Variants in CELF2 observed in about 807,000 individuals in gnomAD.
The protein encoded by CELF2 is CUGBP Elav-like family member 2, also known as CUG triplet repeat RNA-binding protein 2.
A neutral mutation model predicts 62.6 loss-of-function variants in CELF2; 8 were observed. The ratio of observed to expected loss-of-function variants is 0.13; its 90% CI spans 0.07 to 0.23. CELF2 has a LOEUF of 0.23. Ranked by LOEUF, CELF2 falls within the 10% of genes least tolerant of loss-of-function variation. The pLI is 1.00. For synonymous variants in CELF2, 258 were observed against 250.0 expected (o/e 1.03, Z -0.30); for missense variants, 333 against 671.0 (o/e 0.50, Z 5.56).
intron 1 of CELF2, among the ~76,000 whole-genome samples, chr10:10,906,282 A>C (rs2063333762): frequency 6.6e-6 from 1 of 152,132 alleles, no homozygotes. Context: ...CAGGTGATAA[A>C]ATTTTTAATT....
At chr10:11,228,360 T>C (rs777237864) in intron 3 of CELF2, among the ~76,000 whole-genome samples, 1 of 152,234 alleles carries the variant, frequency 6.6e-6, no homozygotes, top group Non-Finnish European at 1.5e-5. Context: ...GTAATTTGTC[T>C]TCCTTACCTG....
intron 1 of CELF2, among the ~76,000 whole-genome samples, chr10:11,049,122 T>TA (rs11406502): frequency 0.51 from 72,963 of 142,944 alleles, 18,599 homozygotes; most frequent in East Asian, 0.73. Flanking sequence ...ACTGTTCTGT[T>TA]AAAAAAAAAA....
At chr10:11,180,785 C>T (rs151188184) in intron 2 of CELF2, among the ~76,000 whole-genome samples, 3 of 152,220 alleles carry the variant, frequency 2.0e-5, no homozygotes, top group East Asian at 1.9e-4. Context: ...ACTTATGGTG[C>T]CCATTTTACA....
At chr10:11,044,282 C>G (rs1346177369) in intron 1 of CELF2, among the ~76,000 whole-genome samples, 2 of 152,212 alleles carry the variant, frequency 1.3e-5, no homozygotes, top group African/African-American at 4.8e-5. Context: ...ACAGCAGGGG[C>G]TTGGTCTCTT....
rs775844431 is a variant in CELF2, at chr10:10,922,629, G to C, written c.89+2630G>C. The C allele has an allele frequency of 3.9e-5, 6 of 152,318 alleles. 1 individual carries two copies. In the Middle Eastern group the frequency reaches 0.01, roughly 259 times the overall value. The allele number at this position is 152,318 out of a possible 1,614,324, so 9.4% of individuals were successfully genotyped here. Reference sequence around the variant, plus strand: ...TTTGTAGCTGGTTTATTACTCAAGGGAGAGGCTGCTCTCTTCTTAGGTTTG... The same window carrying C: ...TTTGTAGCTGGTTTATTACTCAAGGCAGAGGCTGCTCTCTTCTTAGGTTTG... On this transcript the variant is annotated intron_variant, in intron 2 of 13. Transcript: ENST00000636488.
chr10:10,512,693 G>C, the CELF2 span, among the ~76,000 whole-genome samples: 1 of 152,140 alleles, frequency 6.6e-6, no homozygotes, highest in Admixed American at 6.5e-5. Context: ...GGGATTATAG[G>C]CGTAAGCCAC....
the CELF2 span, among the ~76,000 whole-genome samples, chr10:10,657,215 A>G: frequency 1.3e-5 from 2 of 152,200 alleles, no homozygotes; most frequent in African/African-American, 4.8e-5. Context: ...CATATGACAC[A>G]GAAAAAAAAG....
At chr10:10,773,042 G>A in the CELF2 span, among the ~76,000 whole-genome samples, 2 of 152,162 alleles carry the variant, frequency 1.3e-5, no homozygotes, top group Non-Finnish European at 2.9e-5. Context: ...GACAGCAGAA[G>A]GTAATTTAAA....
chr10:10,876,093 A>G (rs572044938), intron 1 of CELF2, among the ~76,000 whole-genome samples: 12 of 152,322 alleles, frequency 7.9e-5, no homozygotes, highest in African/African-American at 2.4e-4. Flanking sequence ...TGTGCTTCAC[A>G]GGTGTCAGCT....
At chr10:10,744,327 A>C in the CELF2 span, among the ~76,000 whole-genome samples, 1 of 152,260 alleles carries the variant, frequency 6.6e-6, no homozygotes, top group Non-Finnish European at 1.5e-5. Flanking sequence ...GTAATTATTC[A>C]CATTTGCAAG....
chr10:10,580,214 G>C, the CELF2 span, among the ~76,000 whole-genome samples: 3 of 152,086 alleles, frequency 2.0e-5, no homozygotes, highest in Non-Finnish European at 4.4e-5. Context: ...GATTAATTAA[G>C]GTGGGGGCAA....
chr10:10,715,803 A>G, the CELF2 span, among the ~76,000 whole-genome samples: 1 of 152,212 alleles, frequency 6.6e-6, no homozygotes, highest in African/African-American at 2.4e-5. Flanking sequence ...ATAAATAGCT[A>G]TGCACAAAGC....
chr10:11,173,424 T>A (rs1179301414), intron 2 of CELF2, among the ~76,000 whole-genome samples: 2 of 152,242 alleles, frequency 1.3e-5, no homozygotes, highest in Admixed American at 6.5e-5. Context: ...CACACTCTGC[T>A]TCTAATGAAA....
At chr10:11,105,112 G>T (rs374415186) in intron 1 of CELF2, among the ~76,000 whole-genome samples, 2 of 152,206 alleles carry the variant, frequency 1.3e-5, no homozygotes, top group African/African-American at 4.8e-5. Flanking sequence ...TGGGTTATCC[G>T]ATGGGAAATA....
intron 1 of CELF2, among the ~76,000 whole-genome samples, chr10:11,091,479 A>G (rs1400323359): frequency 6.6e-6 from 1 of 152,242 alleles, no homozygotes; most frequent in East Asian, 1.9e-4. Flanking sequence ...CATCCCTTCA[A>G]GAAAGTTCAT....
chr10:10,655,920 T>C, the CELF2 span, among the ~76,000 whole-genome samples: 1 of 128,678 alleles, frequency 7.8e-6, no homozygotes, highest in Non-Finnish European at 1.7e-5. Context: ...GAAACTACCA[T>C]GAGAGTGAAC....
the CELF2 span, among the ~76,000 whole-genome samples, chr10:10,686,112 C>T: frequency 2.0e-5 from 3 of 151,924 alleles, no homozygotes; most frequent in East Asian, 1.9e-4. Context: ...GTGGTAATAA[C>T]GTGAGAAGAT....
chr10:10,694,723 T>G, the CELF2 span, among the ~76,000 whole-genome samples: 33 of 151,994 alleles, frequency 2.2e-4, no homozygotes, highest in East Asian at 5.8e-4. Context: ...ATATTTAGGA[T>G]AGTTAGCTCT....
chr10:11,228,706 C>T (rs1334543962), intron 3 of CELF2, among the ~76,000 whole-genome samples: 5 of 146,200 alleles, frequency 3.4e-5, no homozygotes, highest in African/African-American at 1.0e-4. Flanking sequence ...CAACCCCCAC[C>T]CGCGCCCCTC....
Sources: allele counts gnomAD v4.1 joint callset (sites outside exome capture counted in the v4.1 genomes callset), GRCh38; gene constraint gnomAD v4.1.1; transcripts MANE v1.5; gene names NCBI Gene and HGNC (gene_info 2026-07-23, HGNC 2026-07-21).